Variants in NEBL observed in about 807,000 individuals in gnomAD.
NEBL encodes the protein LIM and SH3 protein 2.
NEBL carries 122 observed loss-of-function variants against 140.2 expected under a neutral mutation model. The observed-to-expected ratio is 0.87, with a 90% CI of 0.75 to 1.01. NEBL has a LOEUF of 1.01. NEBL is among the 50% of genes least tolerant of loss of function. The probability of loss-of-function intolerance (pLI) is 0.00; values close to 1 mark genes in which losing one functional copy is unlikely to be tolerated. For missense variants in NEBL, 1,365 were observed against 1,231.3 expected (o/e 1.11, Z -1.62); for synonymous variants, 436 against 398.9 (o/e 1.09, Z -1.11).
At chr10:21,101,417 T>C (rs1837471579) in intron 2 of NEBL, among the ~76,000 whole-genome samples, 1 of 152,184 alleles carries the variant, frequency 6.6e-6, no homozygotes. Flanking sequence ...TTTCTGGTAG[T>C]AGTTTTCACT....
chr10:20,877,834 C>T (rs1053114519), intron 5 of NEBL, among the ~76,000 whole-genome samples: 1 of 152,156 alleles, frequency 6.6e-6, no homozygotes, highest in Admixed American at 6.5e-5. Context: ...CTATAAAATC[C>T]GATGCACTCT....
chr10:20,938,107 A>C (rs1236517516), intron 4 of NEBL, among the ~76,000 whole-genome samples: 1 of 152,202 alleles, frequency 6.6e-6, no homozygotes, highest in Non-Finnish European at 1.5e-5. Context: ...CTCCCAGCAC[A>C]CAGCTGGAGA....
chr10:21,214,545 GCA>G (rs1589331783), intron 3 of NEBL, among the ~76,000 whole-genome samples: 13 of 149,004 alleles, frequency 8.7e-5, no homozygotes, highest in Non-Finnish European at 1.5e-5. Context: ...ATACACACAT[GCA>G]CACACATGTG....
chr10:21,092,648 C>T (rs1211704228), intron 2 of NEBL, among the ~76,000 whole-genome samples: 7 of 150,826 alleles, frequency 4.6e-5, no homozygotes, highest in African/African-American at 1.5e-4. Flanking sequence ...ACCAGAGTAG[C>T]ACCTGCCAGT....
At chr10:21,152,405 C>A (rs1420822228) in intron 2 of NEBL, among the ~76,000 whole-genome samples, 2 of 152,186 alleles carry the variant, frequency 1.3e-5, no homozygotes, top group Non-Finnish European at 2.9e-5. Context: ...CTGGGCTATT[C>A]CTCACATCAC....
chr10:20,909,662 C>A (rs1179489882), intron 4 of NEBL, among the ~76,000 whole-genome samples: 1 of 152,080 alleles, frequency 6.6e-6, no homozygotes, highest in Non-Finnish European at 1.5e-5. Flanking sequence ...TTATACTATA[C>A]AGTCTCTGAT....
chr10:20,802,171 G>A (rs529365960), intron 26 of NEBL, among the ~76,000 whole-genome samples: 2 of 152,140 alleles, frequency 1.3e-5, no homozygotes, highest in Non-Finnish European at 2.9e-5. Context: ...CCAGAAAACT[G>A]CAAGTTAAGG....
intron 3 of NEBL, among the ~76,000 whole-genome samples, chr10:21,192,437 C>T (rs561462750): frequency 6.6e-6 from 1 of 151,838 alleles, no homozygotes; most frequent in East Asian, 2.0e-4. Context: ...CATGATCTGC[C>T]TGCCTTGGCC....
chr10:20,932,992 A>G (rs946024183), intron 4 of NEBL, among the ~76,000 whole-genome samples: 19 of 152,218 alleles, frequency 1.2e-4, no homozygotes, highest in African/African-American at 4.6e-4. Context: ...GAAATATCCA[A>G]TTGCATAAAT....
rs1012211172 is a variant in NEBL at position 20,880,733 on chromosome 10, T to G, written c.480+61A>C. 2.0e-5 allele frequency: 25 copies of G among 1,220,732 alleles called. No individual in the cohort carries two copies. In the East Asian group the frequency reaches 5.6e-4, roughly 27 times the overall value. 75.6% of individuals were successfully genotyped at this position (1,220,732 alleles called of 1,614,324 possible). On this transcript the variant is annotated intron_variant, in intron 5 of 27. Transcript: ENST00000377122. ...TGTTTAAATTTCAGCAAAATAAACA[T>G]AAGCCCTAATATGACTTAACTACAG...
chr10:21,155,204 CA>C (rs1564529969), intron 2 of NEBL, among the ~76,000 whole-genome samples: 1 of 152,172 alleles, frequency 6.6e-6, no homozygotes, highest in East Asian at 1.9e-4. Flanking sequence ...CTCACACACA[CA>C]AAAAAATTTT....
Position 20,780,416 on chromosome 10 carries a change from A to G in NEBL, c.*5331T>C, listed in dbSNP as rs1834954148. On this transcript the variant is annotated 3_prime_UTR_variant, in exon 28 of 28. Transcript: ENST00000377122. ...ATCAGAAAGATACTGAGCTTGGAGA[A>G]GCATAATATTGTTATCACTTACAAC... 6.6e-6 allele frequency: 1 copy of G among 152,208 alleles called. No homozygotes were observed. The highest frequency in any genetic ancestry group is 2.1e-4 in the South Asian group (1 of 4,830). 9.4% of individuals were successfully genotyped at this position (152,208 alleles called of 1,614,324 possible). A position where few individuals can be genotyped will look rare whatever the true frequency, so the allele number is the denominator to read the frequency against.
At chr10:21,073,856 C>T (rs577395965) in intron 2 of NEBL, among the ~76,000 whole-genome samples, 5 of 152,026 alleles carry the variant, frequency 3.3e-5, no homozygotes, top group East Asian at 3.9e-4. Context: ...GGGCAGATCA[C>T]GAGGTCAGGA....
intron 26 of NEBL, among the ~76,000 whole-genome samples, chr10:20,792,003 C>CA (rs1836034726): frequency 6.7e-6 from 1 of 149,712 alleles, no homozygotes; most frequent in Admixed American, 6.7e-5. Flanking sequence ...AGGAAGGCAG[C>CA]AAAAAAATTA....
chr10:20,945,783 A>G (rs1276899461), intron 4 of NEBL, among the ~76,000 whole-genome samples: 3 of 152,198 alleles, frequency 2.0e-5, no homozygotes, highest in Admixed American at 6.5e-5. Context: ...ACATATAATC[A>G]ATGCTCCCAA....
At chr10:20,846,789 A>G (rs1841990549) in intron 11 of NEBL, among the ~76,000 whole-genome samples, 1 of 152,126 alleles carries the variant, frequency 6.6e-6, no homozygotes, top group African/African-American at 2.4e-5. Context: ...AAGTTATTTT[A>G]CTGAAGTAAG....
At chr10:20,789,077 G>A (rs1375334254) in intron 26 of NEBL, among the ~76,000 whole-genome samples, 1 of 152,156 alleles carries the variant, frequency 6.6e-6, no homozygotes, top group Non-Finnish European at 1.5e-5. Context: ...CTCTCCTGGA[G>A]CACCGAGGGT....
chr10:21,187,221 G>T (rs1841489340), intron 3 of NEBL, among the ~76,000 whole-genome samples: 1 of 151,962 alleles, frequency 6.6e-6, no homozygotes, highest in African/African-American at 2.4e-5. Flanking sequence ...AGTTTCCTGA[G>T]GCCTCCCCAG....
At chr10:20,797,209 T>C (rs1365978434) in intron 26 of NEBL, among the ~76,000 whole-genome samples, 2 of 152,228 alleles carry the variant, frequency 1.3e-5, no homozygotes, top group African/African-American at 2.4e-5. Flanking sequence ...ATATTTAATA[T>C]GAAGATTCAT....
Sources: allele counts gnomAD v4.1 joint callset (sites outside exome capture counted in the v4.1 genomes callset), GRCh38; gene constraint gnomAD v4.1.1; transcripts MANE v1.5; gene names NCBI Gene and HGNC (gene_info 2026-07-23, HGNC 2026-07-21).